The following FAM149B1 variants were observed in gnomAD, a reference collection of about 807,000 sequenced individuals.
FAM149B1 encodes family with sequence similarity 149 member B1.
Under a neutral mutation model 75.3 loss-of-function variants are expected in FAM149B1, and 56 were observed. That is an observed-to-expected ratio of 0.74 (90% CI 0.60 to 0.93). The LOEUF is 0.93. Among genes scored for constraint, FAM149B1 ranks in the 40% least tolerant of loss-of-function variants. The pLI is 0.00. For synonymous variants in FAM149B1, 259 were observed against 256.1 expected (o/e 1.01, Z -0.11); for missense variants, 639 against 708.4 (o/e 0.90, Z 1.11).
intron 13 of FAM149B1, 105 bp from the exon 14 acceptor site, chr10:73,240,841 A>G (rs2043933327): frequency 2.8e-6 from 2 of 705,236 alleles, no homozygotes; most frequent in Admixed American, 4.4e-5. Flanking sequence ...TCATACCTTA[A>G]GAAAGTCCAA....
At chr10:73,215,617 T>A (rs1335968670) in intron 7 of FAM149B1, among the ~76,000 whole-genome samples, 1 of 152,194 alleles carries the variant, frequency 6.6e-6, no homozygotes, top group African/African-American at 2.4e-5. Flanking sequence ...ATTGTATTTT[T>A]ATTTTCATTT....
chr10:73,223,352 A>G (rs2043462905), intron 7 of FAM149B1, among the ~76,000 whole-genome samples: 1 of 152,156 alleles, frequency 6.6e-6, no homozygotes, highest in Non-Finnish European at 1.5e-5. Flanking sequence ...ATTCAATATT[A>G]TATTTGTTAA....
At chr10:73,168,610 T>G (rs371527603) in intron 1 of FAM149B1, among the ~76,000 whole-genome samples, 12 of 152,366 alleles carry the variant, frequency 7.9e-5, no homozygotes, top group African/African-American at 2.6e-4. Context: ...CTGGGTCTGC[T>G]GAAGCATTTG....
In FAM149B1 at chr10:73,232,965, G is replaced by T; in HGVS notation, c.1154G>T (p.Arg385Met). Residue 385 changes from arginine (R) to methionine (M), a missense_variant, in exon 10 of 14, where the codon AGG becomes ATG. Coordinates refer to ENST00000242505, the MANE Select transcript of FAM149B1 (RefSeq NM_173348.2). ...LLDLDDKLLM[R>M]PGSSTILSTR... ...GATCTTGATGACAAGCTACTTATGAGGCCTGGGTCCAGTACCATCCTTTCA... is the reference window on the plus strand; with the variant it reads ...GATCTTGATGACAAGCTACTTATGATGCCTGGGTCCAGTACCATCCTTTCA... The T allele has an allele frequency of 6.4e-7, 1 of 1,551,226 alleles. No homozygotes were observed. Among genetic ancestry groups the T allele is most frequent in the African/African-American group, 1.4e-5 (1 of 73,092 alleles).
At chr10:73,223,400 T>A (rs907587745) in intron 7 of FAM149B1, among the ~76,000 whole-genome samples, 1 of 152,228 alleles carries the variant, frequency 6.6e-6, no homozygotes, top group Non-Finnish European at 1.5e-5. Flanking sequence ...TTTATTCCCA[T>A]TGCTTATAGT....
At chr10:73,210,193 T>C (rs1200360893) in intron 6 of FAM149B1, 58 bp from the exon 7 acceptor site, 35 of 1,253,626 alleles carry the variant, frequency 2.8e-5, no homozygotes, top group Middle Eastern at 2.7e-4. Flanking sequence ...CAGACAATTT[T>C]AGAAAGGCAG....
At chr10:73,190,722 T>A (rs1435105340) in intron 3 of FAM149B1, among the ~76,000 whole-genome samples, 1 of 97,980 alleles carries the variant, frequency 1.0e-5, no homozygotes, top group Non-Finnish European at 2.0e-5. Context: ...CTCTGACTGC[T>A]TTTTTTTTTT....
intron 7 of FAM149B1, among the ~76,000 whole-genome samples, chr10:73,217,777 A>G (rs1867566): frequency 0.11 from 15,976 of 152,134 alleles, 1,219 homozygotes; most frequent in East Asian, 0.31. Context: ...AGAGTGGGGG[A>G]ATTACACATA....
chr10:73,235,324 G>A lies in FAM149B1; in HGVS notation c.1602+6G>A, dbSNP rs1564717186. Reference sequence around the variant, plus strand: ...ACACAACTCAATCATTTTTGGTAGAGTGACGTACTTCCTAGAATGGTCTTG... The same window carrying A: ...ACACAACTCAATCATTTTTGGTAGAATGACGTACTTCCTAGAATGGTCTTG... On this transcript the variant is annotated splice_donor_region_variant and intron_variant, in intron 12 of 13. Coordinates refer to ENST00000242505, the MANE Select transcript of FAM149B1 (RefSeq NM_173348.2). 6.4e-7 allele frequency: 1 copy of A among 1,551,888 alleles called. No individual in the cohort carries two copies. Among genetic ancestry groups the A allele is most frequent in the Middle Eastern group, 1.7e-4 (1 of 5,754 alleles).
chr10:73,239,878 TTTAAA>T (rs1469590595), intron 13 of FAM149B1, among the ~76,000 whole-genome samples: 5 of 152,254 alleles, frequency 3.3e-5, no homozygotes, highest in African/African-American at 7.2e-5. Flanking sequence ...TCTTTTTATC[TTTAAA>T]TTATACTCTG....
At chr10:73,219,478 G>C (rs552309883) in intron 7 of FAM149B1, among the ~76,000 whole-genome samples, 2 of 152,126 alleles carry the variant, frequency 1.3e-5, no homozygotes, top group Non-Finnish European at 2.9e-5. Flanking sequence ...TAAAGTTAGA[G>C]GATTCACACT....
chr10:73,188,788 AGG>A (rs2042604046), intron 3 of FAM149B1, among the ~76,000 whole-genome samples: 1 of 151,098 alleles, frequency 6.6e-6, no homozygotes, highest in African/African-American at 2.4e-5. Flanking sequence ...GAAGGAAGGA[AGG>A]AAGGAAGGAA....
At chr10:73,197,015 G>T (rs1352904448) in intron 5 of FAM149B1, among the ~76,000 whole-genome samples, 12 of 152,032 alleles carry the variant, frequency 7.9e-5, no homozygotes, top group African/African-American at 2.7e-4. Context: ...TTTGTTTTTT[G>T]TTTTTTGAGA....
intron 1 of FAM149B1, among the ~76,000 whole-genome samples, chr10:73,169,459 CTT>C (rs11452129): frequency 2.7e-4 from 39 of 142,478 alleles, no homozygotes; most frequent in Admixed American, 3.5e-4. Flanking sequence ...AGGGCCTTCA[CTT>C]TTTTTTTTTT....
intron 7 of FAM149B1, among the ~76,000 whole-genome samples, chr10:73,215,066 G>A (rs1357399275): frequency 3.9e-5 from 6 of 152,098 alleles, no homozygotes; most frequent in African/African-American, 1.4e-4. Context: ...AGGCTGGAGT[G>A]CAGTGGCATG....
intron 5 of FAM149B1, 52 bp downstream of exon 5, chr10:73,193,645 A>G: frequency 1.3e-6 from 2 of 1,512,572 alleles, no homozygotes; most frequent in Non-Finnish European, 1.8e-6. Context: ...TGCAAGTATT[A>G]TGTCCTACCA....
chr10:73,183,768 A>G (rs904148830), intron 3 of FAM149B1, among the ~76,000 whole-genome samples: 4 of 152,248 alleles, frequency 2.6e-5, no homozygotes, highest in African/African-American at 9.6e-5. Flanking sequence ...ATGAAAATCA[A>G]TAGAACTTTG....
chr10:73,240,853 T>G (rs2133420820), intron 13 of FAM149B1, 93 bp from the exon 14 acceptor site: 1 of 751,120 alleles, frequency 1.3e-6, no homozygotes, highest in East Asian at 2.8e-5. Context: ...AAAGTCCAAT[T>G]CATAATTGGA....
intron 12 of FAM149B1, 52 bp downstream of exon 12, chr10:73,235,370 T>C (rs2043799253): frequency 6.5e-7 from 1 of 1,547,712 alleles, no homozygotes; most frequent in South Asian, 1.2e-5. Context: ...AAAGAAAAGG[T>C]GGGGGGAATA....
Sources: allele counts gnomAD v4.1 joint callset (sites outside exome capture counted in the v4.1 genomes callset), GRCh38; gene constraint gnomAD v4.1.1; transcripts MANE v1.5; gene names NCBI Gene and HGNC (gene_info 2026-07-23, HGNC 2026-07-21).